Variants in QTMAN observed in about 807,000 individuals in gnomAD.
QTMAN encodes tRNA-queuosine alpha-mannosyltransferase.
At chr2:144,267,948 T>C in the QTMAN span, among the ~76,000 whole-genome samples, 1 of 152,314 alleles carries the variant, frequency 6.6e-6, no homozygotes, top group South Asian at 2.1e-4. Context: ...GTGATGGTAT[T>C]TGAAGGTGGG....
the QTMAN span, among the ~76,000 whole-genome samples, chr2:144,093,493 T>C: frequency 2.0e-5 from 3 of 152,220 alleles, no homozygotes; most frequent in Non-Finnish European, 4.4e-5. Context: ...AACCAAGTAA[T>C]AACTAAAGTT....
chr2:144,295,044 C>T, the QTMAN span, among the ~76,000 whole-genome samples: 1 of 152,124 alleles, frequency 6.6e-6, no homozygotes, highest in Non-Finnish European at 1.5e-5. Context: ...ACACAGAAGT[C>T]AATATAAAAA....
the QTMAN span, among the ~76,000 whole-genome samples, chr2:144,110,689 A>AC: frequency 1.1e-5 from 1 of 88,892 alleles, no homozygotes; most frequent in Non-Finnish European, 2.2e-5. Flanking sequence ...ACCCCCCCCC[A>AC]AAAAAAAAAA....
At chr2:144,264,649 C>T in the QTMAN span, among the ~76,000 whole-genome samples, 1 of 152,164 alleles carries the variant, frequency 6.6e-6, no homozygotes. Flanking sequence ...TAGTCAGGAA[C>T]GAAATCCAAG....
chr2:144,280,510 C>T, the QTMAN span, among the ~76,000 whole-genome samples: 2 of 152,042 alleles, frequency 1.3e-5, no homozygotes, highest in East Asian at 3.9e-4. Context: ...CATCAGGGCA[C>T]TTGAAGTCTA....
chr2:144,199,794 T>C, the QTMAN span, among the ~76,000 whole-genome samples: 21 of 152,198 alleles, frequency 1.4e-4, no homozygotes, highest in African/African-American at 4.8e-4. Context: ...TCTTTGTTCA[T>C]GACATCATAA....
the QTMAN span, among the ~76,000 whole-genome samples, chr2:144,254,624 C>T: frequency 6.6e-6 from 1 of 152,258 alleles, no homozygotes; most frequent in South Asian, 2.1e-4. Context: ...TGGGGCACTG[C>T]CTAGTGGAGC....
chr2:143,995,573 G>C, the QTMAN span, among the ~76,000 whole-genome samples: 1 of 152,122 alleles, frequency 6.6e-6, no homozygotes, highest in Non-Finnish European at 1.5e-5. Context: ...ACTGAAGTTA[G>C]AGAGTAGATA....
the QTMAN span, among the ~76,000 whole-genome samples, chr2:144,304,495 ACAAAAATCAGT>A: frequency 3.3e-5 from 5 of 152,248 alleles, no homozygotes; most frequent in Admixed American, 1.3e-4. Flanking sequence ...CATAACTAAG[ACAAAAATCAGT>A]CAATAAAAAA....
chr2:144,176,496 A>T, the QTMAN span, among the ~76,000 whole-genome samples: 1 of 152,124 alleles, frequency 6.6e-6, no homozygotes, highest in Non-Finnish European at 1.5e-5. Flanking sequence ...TAGACAACAA[A>T]ATTAGGCAAG....
At chr2:144,261,347 T>A in the QTMAN span, among the ~76,000 whole-genome samples, 1 of 152,180 alleles carries the variant, frequency 6.6e-6, no homozygotes, top group African/African-American at 2.4e-5. Flanking sequence ...GGGGGGATGA[T>A]ATTTAAGCAA....
the QTMAN span, chr2:143,946,888 G>A: frequency 1.9e-5 from 11 of 565,858 alleles, no homozygotes; most frequent in African/African-American, 1.1e-4. Flanking sequence ...ATCTGAAGCC[G>A]CCACAGGTTT....
the QTMAN span, among the ~76,000 whole-genome samples, chr2:144,317,982 T>A: frequency 6.6e-6 from 1 of 152,192 alleles, no homozygotes; most frequent in Non-Finnish European, 1.5e-5. Context: ...TTGGCATTAT[T>A]ATATTTTGAA....
the QTMAN span, among the ~76,000 whole-genome samples, chr2:144,167,686 G>T: frequency 1.6e-4 from 25 of 151,986 alleles, no homozygotes; most frequent in African/African-American, 6.0e-4. Context: ...TGCCATAATT[G>T]TAAGTTTCCT....
At chr2:143,944,505 C>T in the QTMAN span, 33 of 151,854 alleles carry the variant, frequency 2.2e-4, no homozygotes, top group African/African-American at 6.8e-4. Context: ...TGCAGTGGCA[C>T]GATCTCGGCT....
At chr2:144,068,741 A>G in the QTMAN span, among the ~76,000 whole-genome samples, 10 of 152,166 alleles carry the variant, frequency 6.6e-5, no homozygotes, top group African/African-American at 2.2e-4. Context: ...AAGATTTTAT[A>G]CTCTGGAGTG....
chr2:144,262,279 A>G, the QTMAN span, among the ~76,000 whole-genome samples: 1 of 152,182 alleles, frequency 6.6e-6, no homozygotes, highest in East Asian at 1.9e-4. Context: ...AGTCCAGTGT[A>G]GTACCTGCTA....
At chr2:143,993,728 A>G in the QTMAN span, among the ~76,000 whole-genome samples, 1 of 152,186 alleles carries the variant, frequency 6.6e-6, no homozygotes, top group Non-Finnish European at 1.5e-5. Flanking sequence ...GTAAGAGAAC[A>G]AATTTCTGTT....
the QTMAN span, among the ~76,000 whole-genome samples, chr2:144,193,797 T>G: frequency 7.1e-3 from 1,073 of 152,190 alleles, 10 homozygotes; most frequent in Non-Finnish European, 8.2e-3. Flanking sequence ...AAAACACTGT[T>G]ATTAGAGACA....
Sources: allele counts gnomAD v4.1 joint callset (sites outside exome capture counted in the v4.1 genomes callset), GRCh38; gene constraint gnomAD v4.1.1; transcripts MANE v1.5; gene names NCBI Gene and HGNC (gene_info 2026-07-23, HGNC 2026-07-21).